SHANK2: variants seen among roughly 807,000 people sequenced by gnomAD.
SHANK2 encodes SH3 and multiple ankyrin repeat domains 2, also known as SH3 and multiple ankyrin repeat domains protein 2.
A neutral mutation model predicts 133.7 loss-of-function variants in SHANK2; 43 were observed. The ratio of observed to expected loss-of-function variants is 0.32; its 90% CI spans 0.25 to 0.41. The LOEUF is 0.41. Among genes scored for constraint, SHANK2 ranks in the 10% least tolerant of loss-of-function variants. The probability of loss-of-function intolerance (pLI) is 1.00; values close to 1 mark genes in which losing one functional copy is unlikely to be tolerated. For missense variants in SHANK2, 1,994 were observed against 2,235.8 expected (o/e 0.89, Z 2.18); for synonymous variants, 1,017 against 952.8 (o/e 1.07, Z -1.24).
chr11:71,244,789 G>T (rs1294541088), intron 1 of SHANK2, among the ~76,000 whole-genome samples: 1 of 152,064 alleles, frequency 6.6e-6, no homozygotes, highest in Non-Finnish European at 1.5e-5. Context: ...TGCAACCTCC[G>T]CCTGCCGGGT....
At chr11:71,101,139 G>A (rs1379080176) in intron 6 of SHANK2, among the ~76,000 whole-genome samples, 1 of 152,296 alleles carries the variant, frequency 6.6e-6, no homozygotes, top group Admixed American at 6.5e-5. Context: ...AGGCGAGCTG[G>A]AAGTGAAAGT....
In SHANK2 at chr11:70,471,368, G is replaced by GGGA; in HGVS notation, c.*1498_*1500dup. The GGGA allele has an allele frequency of 2.5e-6, 1 of 398,996 alleles. No individual in the cohort carries two copies. Among genetic ancestry groups the GGGA allele is most frequent in the Non-Finnish European group, 4.4e-6 (1 of 226,072 alleles). The allele number at this position is 398,996 out of a possible 1,614,324, so 24.7% of individuals were successfully genotyped here. A position where few individuals can be genotyped will look rare whatever the true frequency, so the allele number is the denominator to read the frequency against. On this transcript the variant is annotated 3_prime_UTR_variant, in exon 26 of 26. Coordinates refer to ENST00000601538, the MANE Select transcript of SHANK2 (RefSeq NM_012309.5). The surrounding 1 kb of genome is among the most constrained non-coding windows in gnomAD (Gnocchi z 4.1). ...TGACATTCGAGTATCCTCCAAATGG[G>GGGA]GGAGAATGTGCTGGAAGCCTGACTG...
chr11:70,675,477 TG>T (rs1944889470), intron 15 of SHANK2, among the ~76,000 whole-genome samples: 1 of 152,182 alleles, frequency 6.6e-6, no homozygotes, highest in Non-Finnish European at 1.5e-5. Context: ...TGAACCACTG[TG>T]GGTTACTGAA....
chr11:71,137,673 C>T (rs1338457249), intron 3 of SHANK2, among the ~76,000 whole-genome samples: 1 of 152,176 alleles, frequency 6.6e-6, no homozygotes, highest in Non-Finnish European at 1.5e-5. Flanking sequence ...GAACAGAATG[C>T]AGCAGAAGGC....
intron 10 of SHANK2, chr11:70,943,081 G>A (rs544022494): frequency 1.2e-4 from 55 of 456,804 alleles, no homozygotes; most frequent in East Asian, 7.6e-4. Flanking sequence ...GAAGCACTTC[G>A]GCTCTGAGGG....
intron 15 of SHANK2, among the ~76,000 whole-genome samples, chr11:70,667,635 C>G (rs1944702820): frequency 6.6e-6 from 1 of 152,200 alleles, no homozygotes; most frequent in Non-Finnish European, 1.5e-5. Flanking sequence ...CCAGTGATGA[C>G]AGTTGGCGTT....
At chr11:71,184,565 C>T (rs1409135630) in intron 2 of SHANK2, among the ~76,000 whole-genome samples, 6 of 152,140 alleles carry the variant, frequency 3.9e-5, no homozygotes, top group East Asian at 1.9e-4. Context: ...CAGGTGCCCA[C>T]GGCCATGCCA....
At chr11:70,948,318 G>C (rs1326921932) in intron 10 of SHANK2, 6 of 457,192 alleles carry the variant, frequency 1.3e-5, no homozygotes, top group Non-Finnish European at 2.6e-5. Context: ...CACTTCCAGA[G>C]AGCAGAGTGT....
Position 70,486,188 on chromosome 11 carries a change from T to C in SHANK2, c.4105A>G (p.Thr1369Ala), listed in dbSNP as rs1275384807. ...LQISAAPEPT[T>A]VPGRTIVAVG... ...GCGACGATGGTTCTGCCGGGCACGGTGGTGGGCTCGGGGGCAGCGGAGATC... is the reference window on the plus strand; with the variant it reads ...GCGACGATGGTTCTGCCGGGCACGGCGGTGGGCTCGGGGGCAGCGGAGATC... The change falls in exon 25 of 26, where the codon ACC (threonine) becomes GCC (alanine). Residue 1369 changes from threonine (T) to alanine (A), a missense_variant. Around this residue, in one of 5 missense-constraint regions of SHANK2, gnomAD observed 797 missense variants for 907.4 expected, o/e 0.88. Coordinates refer to ENST00000601538, the MANE Select transcript of SHANK2 (RefSeq NM_012309.5). This position sits in a 1 kb window ranked among gnomAD's most constrained non-coding sequence, Gnocchi z 8.0. 2 of 1,613,056 alleles carry C rather than the reference T, an allele frequency of 1.2e-6. No individual in the cohort carries two copies. The highest frequency in any genetic ancestry group is 1.1e-5 in the South Asian group (1 of 91,036).
intron 10 of SHANK2, among the ~76,000 whole-genome samples, chr11:70,937,354 C>T (rs1167472925): frequency 6.6e-6 from 1 of 152,238 alleles, no homozygotes; most frequent in Non-Finnish European, 1.5e-5. Flanking sequence ...GCCCCAAATG[C>T]CTTCAGTGAT....
chr11:70,824,019 T>C (rs1348242867), intron 11 of SHANK2, among the ~76,000 whole-genome samples: 1 of 142,478 alleles, frequency 7.0e-6, no homozygotes, highest in African/African-American at 2.6e-5. Context: ...ACACATGTGG[T>C]GCTGGCAGGT....
rs932041336 is a variant in SHANK2, at chr11:70,609,073, C to T, written c.2061+50755G>A. Among the ~76,000 whole-genome samples the T allele has an allele frequency of 4.1e-4, 63 of 152,320 alleles. 1 individual carries two copies. The highest frequency in any genetic ancestry group is 1.3e-3 in the African/African-American group (55 of 41,568). Reference sequence around the variant, plus strand: ...ACCTGTTGGCAGGAGGGCCCAGCCACGTGGAGCTGCAGCAAGTGGTCGCGT... The same window carrying T: ...ACCTGTTGGCAGGAGGGCCCAGCCATGTGGAGCTGCAGCAAGTGGTCGCGT... On this transcript the variant is annotated intron_variant, in intron 17 of 25. Transcript: ENST00000601538.
Position 70,910,406 on chromosome 11 carries a change from G to C in SHANK2, c.1108-13839C>G, listed in dbSNP as rs534335449. On this transcript the variant is annotated intron_variant, in intron 10 of 25. Coordinates refer to ENST00000601538, the MANE Select transcript of SHANK2 (RefSeq NM_012309.5). Reference sequence around the variant, plus strand: ...TTTCAGGGAGCAGAGGGTGGGAAGAGGCTACCGCACACTCGATTGTCACAG... The same window carrying C: ...TTTCAGGGAGCAGAGGGTGGGAAGACGCTACCGCACACTCGATTGTCACAG... Among the ~76,000 whole-genome samples, 6 of 152,302 alleles carry C rather than the reference G, an allele frequency of 3.9e-5. No homozygotes were observed. In the East Asian group the frequency reaches 7.7e-4, roughly 20 times the overall value.
At chr11:70,567,962 C>T (rs1245078697) in intron 17 of SHANK2, among the ~76,000 whole-genome samples, 2 of 152,236 alleles carry the variant, frequency 1.3e-5, no homozygotes, top group Non-Finnish European at 1.5e-5. Flanking sequence ...CAAACCAAAA[C>T]TCAGCGAGGA....
intron 2 of SHANK2, chr11:71,174,713 G>C (rs1402966083): frequency 6.6e-6 from 1 of 150,460 alleles, no homozygotes; most frequent in Non-Finnish European, 1.5e-5. Context: ...AATTAGCTGA[G>C]TGTAGTGGCA....
chr11:70,594,290 C>T (rs1487925773), intron 17 of SHANK2, among the ~76,000 whole-genome samples: 2 of 152,198 alleles, frequency 1.3e-5, no homozygotes, highest in South Asian at 2.1e-4. Flanking sequence ...GATCGCGTTA[C>T]GTGAGTCCAC....
At chr11:71,195,391 CA>C (rs59797647) in intron 2 of SHANK2, among the ~76,000 whole-genome samples, 88 of 134,600 alleles carry the variant, frequency 6.5e-4, no homozygotes, top group Middle Eastern at 4.0e-3. Flanking sequence ...GACTCCGTCT[CA>C]AAAAAAAAAA....
At chr11:71,076,639 T>G (rs947602276) in intron 8 of SHANK2, among the ~76,000 whole-genome samples, 1 of 152,194 alleles carries the variant, frequency 6.6e-6, no homozygotes, top group Non-Finnish European at 1.5e-5. Flanking sequence ...CAGGTTTCCT[T>G]GCTGTCACCT....
intron 17 of SHANK2, among the ~76,000 whole-genome samples, chr11:70,651,767 A>G (rs1277730660): frequency 6.6e-6 from 1 of 152,210 alleles, no homozygotes; most frequent in South Asian, 2.1e-4. Context: ...CAAAGCACCA[A>G]TGTGACCCTG....
Sources: allele counts gnomAD v4.1 joint callset (sites outside exome capture counted in the v4.1 genomes callset), GRCh38; gene constraint gnomAD v4.1.1; regional missense constraint gnomAD v4.1.1; non-coding constraint Gnocchi (gnomAD v3.1); transcripts MANE v1.5; gene names NCBI Gene and HGNC (gene_info 2026-07-23, HGNC 2026-07-21).